Variants in TUBB4A observed in about 807,000 individuals in gnomAD.
TUBB4A encodes the protein tubulin beta-4A chain.
A neutral mutation model predicts 35.1 loss-of-function variants in TUBB4A; 13 were observed. The observed-to-expected ratio is 0.37, with a 90% CI of 0.24 to 0.59. The LOEUF (loss-of-function observed/expected upper bound fraction) is 0.59. Ranked by LOEUF, TUBB4A falls within the 20% of genes least tolerant of loss-of-function variation. TUBB4A has a pLI of 0.71. For synonymous variants in TUBB4A, 279 were observed against 272.4 expected (o/e 1.02, Z -0.24); for missense variants, 299 against 647.2 (o/e 0.46, Z 5.84).
Position 6,494,658 on chromosome 19 carries a change from T to A in TUBB4A, c.*506A>T. 1 of 164,616 alleles carries A rather than the reference T, an allele frequency of 6.1e-6. No homozygotes were observed. 10.2% of individuals were successfully genotyped at this position (164,616 alleles called of 1,614,324 possible). A position where few individuals can be genotyped will look rare whatever the true frequency, so the allele number is the denominator to read the frequency against. Reference sequence around the variant, plus strand: ...GACTCATAGAGGGTGAAAGAGAAGTTGGAGTCAGAGGGGATTCAGAGATCA... The same window carrying A: ...GACTCATAGAGGGTGAAAGAGAAGTAGGAGTCAGAGGGGATTCAGAGATCA... On this transcript the variant is annotated 3_prime_UTR_variant, in exon 4 of 4. Coordinates refer to ENST00000264071, the MANE Select transcript of TUBB4A (RefSeq NM_006087.4).
chr19:6,502,583 A>G (rs777752174), upstream of TUBB4A: 25 of 227,994 alleles, frequency 1.1e-4, 1 homozygote, highest in Non-Finnish European at 1.9e-4. Flanking sequence ...ACCCGCAGAA[A>G]TTGGGCGGAG....
Position 6,502,192 on chromosome 19 carries a change from C to A in TUBB4A, c.21G>T (p.Leu7=), listed in dbSNP as rs767181536. The A allele has an allele frequency of 3.2e-6, 5 of 1,573,226 alleles. No homozygotes were observed. Among genetic ancestry groups the A allele is most frequent in the Non-Finnish European group, 4.3e-6 (5 of 1,167,728 alleles). The part of the protein sequence containing the change: MREIVH[L]QAGQCGNQIG... ...TCTGGTTGCCGCACTGGCCGGCCTG[C>A]AGGTGCACGATCTCCCGCATGGCGG... The change falls in exon 1 of 4, where the codon CTG becomes CTT. Residue 7 remains leucine, a synonymous_variant. Coordinates refer to ENST00000264071, the MANE Select transcript of TUBB4A (RefSeq NM_006087.4).
At chr19:6,500,150 A>G (rs755835781) in intron 3 of TUBB4A, among the ~76,000 whole-genome samples, 1 of 151,994 alleles carries the variant, frequency 6.6e-6, no homozygotes, top group African/African-American at 2.4e-5. Context: ...TTTTTTAGAG[A>G]TGGGGTCTCA....
At position 6,494,953 on chromosome 19, in the gene TUBB4A, C is replaced by G. The variant is rs188384819; in HGVS notation, c.*211G>C. ...CCTGGGAATGTCAAGGTTGGAAGAG[C>G]TCAAGGGGGTTAAAGATAAATTAGG... On this transcript the variant is annotated 3_prime_UTR_variant, in exon 4 of 4. Transcript: ENST00000264071. 7.9e-5 allele frequency: 50 copies of G among 636,104 alleles called. No homozygotes were observed. In the East Asian group the frequency reaches 1.3e-3, roughly 17 times the overall value. 39.4% of individuals were successfully genotyped at this position (636,104 alleles called of 1,614,324 possible).
intron 3 of TUBB4A, among the ~76,000 whole-genome samples, chr19:6,497,397 G>A (rs1415122787): frequency 6.6e-6 from 1 of 151,316 alleles, no homozygotes; most frequent in Non-Finnish European, 1.5e-5. Flanking sequence ...GAGTAGCTGG[G>A]ACTACAGGCT....
chr19:6,499,672 T>A lies in TUBB4A; in HGVS notation c.277+1615A>T, dbSNP rs78959822. ...CCTCCCTTCCATGCCCTTTGGCCAGTCCAAATCCTACTCACATTCTAGACT... is the reference window on the plus strand; with the variant it reads ...CCTCCCTTCCATGCCCTTTGGCCAGACCAAATCCTACTCACATTCTAGACT... On this transcript the variant is annotated intron_variant, in intron 3 of 3. Transcript: ENST00000264071. 9.5e-3 allele frequency among the ~76,000 whole-genome samples: 1,453 copies of A among 152,310 alleles called. 23 individuals carry two copies. The highest frequency in any genetic ancestry group is 0.033 in the African/African-American group (1,366 of 41,562).
At chr19:6,496,404 C>T (rs531517741) in intron 3 of TUBB4A, 183 bp from the exon 4 acceptor site, 37 of 584,880 alleles carry the variant, frequency 6.3e-5, no homozygotes, top group East Asian at 9.2e-5. Context: ...CCGAGGTGGG[C>T]GGATCACGAG....
Position 6,501,522 on chromosome 19 carries a change from C to T in TUBB4A, c.159G>A (p.Glu53=). ...QLERINVYYN[E]ATGGNYVPRA... is the part of the protein sequence containing the mutation. ...GTGCCTCCTTCGCCCTACCTGTGGC[C>T]TCGTTGTAGTACACGTTGATCCTCT... Residue 53 remains glutamate (E), a synonymous_variant, in exon 2 of 4, where the codon GAG becomes GAA. Coordinates refer to ENST00000264071, the MANE Select transcript of TUBB4A (RefSeq NM_006087.4). The surrounding 1 kb of genome is among the most constrained non-coding windows in gnomAD (Gnocchi z 4.2). The T allele has an allele frequency of 6.2e-7, 1 of 1,613,930 alleles. No homozygotes were observed. The highest frequency in any genetic ancestry group is 8.5e-7 in the Non-Finnish European group (1 of 1,179,834).
rs1332209028 is a variant in TUBB4A at position 6,497,042 on chromosome 19, T to A, written c.278-821A>T. On this transcript the variant is annotated intron_variant, in intron 3 of 3. Coordinates refer to ENST00000264071, the MANE Select transcript of TUBB4A (RefSeq NM_006087.4). ...AAAAAAAAATATATATATATATATATATATATATATATATATATATATAAA... is the reference window on the plus strand; with the variant it reads ...AAAAAAAAATATATATATATATATAAATATATATATATATATATATATAAA... Among the ~76,000 whole-genome samples the A allele has an allele frequency of 1.9e-3, 100 of 51,860 alleles. 1 individual carries two copies. The highest frequency in any genetic ancestry group is 2.8e-3 in the Non-Finnish European group (79 of 28,630). 34.0% of individuals were successfully genotyped at this position (51,860 alleles called of 152,430 possible). A position where few individuals can be genotyped will look rare whatever the true frequency, so the allele number is the denominator to read the frequency against.
rs1323470395 is a variant in TUBB4A at position 6,495,502 on chromosome 19, C to T, written c.997G>A (p.Val333Met). The change falls in exon 4 of 4, where the codon GTG (valine) becomes ATG (methionine). Residue 333 changes from valine (V) to methionine (M), a missense_variant. By Grantham distance (21) the Val-to-Met change is conservative. This residue lies in a region of TUBB4A where 125 missense variants were observed against 279.1 expected (regional missense o/e 0.45). Transcript: ENST00000264071. The surrounding 1 kb of genome is among the most constrained non-coding windows in gnomAD (Gnocchi z 8.7). ...MKEVDEQMLSVQSKNSSYFVE... is the reference protein window; with the variant it reads ...MKEVDEQMLSMQSKNSSYFVE... ...AAGTAGCTGCTGTTCTTGCTCTGCA[C>T]GCTCAGCATCTGCTCGTCCACCTCC... The T allele has an allele frequency of 6.2e-7, 1 of 1,614,228 alleles. No individual in the cohort carries two copies. Among genetic ancestry groups the T allele is most frequent in the South Asian group, 1.1e-5 (1 of 91,088 alleles).
intron 3 of TUBB4A, among the ~76,000 whole-genome samples, chr19:6,496,661 A>T (rs1051498891): frequency 1.4e-5 from 2 of 147,998 alleles, no homozygotes; most frequent in Non-Finnish European, 3.0e-5. Flanking sequence ...AATAATAAAT[A>T]ATAACAATTA....
intron 3 of TUBB4A, among the ~76,000 whole-genome samples, chr19:6,498,669 T>A: frequency 6.6e-6 from 1 of 152,194 alleles, no homozygotes; most frequent in East Asian, 1.9e-4. Context: ...CCTGACTTTT[T>A]CCTCACTTCC....
At chr19:6,498,252 T>C (rs78017376) in intron 3 of TUBB4A, among the ~76,000 whole-genome samples, 2,427 of 151,542 alleles carry the variant, frequency 0.016, 61 homozygotes, top group African/African-American at 0.056. Context: ...TATTGGCCGG[T>C]ATTACTGTGA....
chr19:6,497,876 G>A (rs1283187729), intron 3 of TUBB4A, among the ~76,000 whole-genome samples: 1 of 140,892 alleles, frequency 7.1e-6, no homozygotes, highest in African/African-American at 2.7e-5. Flanking sequence ...ACTCCAGCCT[G>A]GGCGACAGCA....
At position 6,495,911 on chromosome 19, in the gene TUBB4A, C is replaced by T. The variant is rs760545489; in HGVS notation, c.588G>A (p.Thr196=). The T allele has an allele frequency of 1.7e-5, 27 of 1,614,078 alleles. 1 individual carries two copies. The highest frequency in any genetic ancestry group is 1.5e-4 in the South Asian group (14 of 91,094). The stretch of plus-strand genomic sequence containing the variant: ...CGTTGTCGATGCAGTAGGTCTCATC[C>T]GTATTCTCCACCAGCTGGTGCACAG... The part of the protein sequence containing the change: ...TLSVHQLVEN[T]DETYCIDNEA... Residue 196 remains threonine (T), a synonymous_variant, in exon 4 of 4, where the codon ACG becomes ACA. Transcript: ENST00000264071. The surrounding 1 kb of genome is among the most constrained non-coding windows in gnomAD (Gnocchi z 8.7).
Position 6,495,695 on chromosome 19 carries a change from G to A in TUBB4A, c.804C>T (p.Pro268=), listed in dbSNP as rs777025899. The part of the protein sequence containing the change: ...VPFPRLHFFM[P]GFAPLTSRGS... ...CCCGGCTGGTCAGGGGTGCGAAGCC[G>A]GGCATGAAGAAGTGCAGGCGAGGAA... The change falls in exon 4 of 4, where the codon CCC becomes CCT. Residue 268 remains proline (P), a synonymous_variant. Coordinates refer to ENST00000264071, the MANE Select transcript of TUBB4A (RefSeq NM_006087.4). The surrounding 1 kb of genome is among the most constrained non-coding windows in gnomAD (Gnocchi z 8.7). 2.0e-5 allele frequency: 32 copies of A among 1,613,942 alleles called. No individual in the cohort carries two copies. Among genetic ancestry groups the A allele is most frequent in the South Asian group, 1.5e-4 (14 of 91,090 alleles).
intron 3 of TUBB4A, among the ~76,000 whole-genome samples, chr19:6,499,591 G>GGT (rs1219562618): frequency 6.6e-6 from 1 of 152,084 alleles, no homozygotes; most frequent in Non-Finnish European, 1.5e-5. Context: ...ATTGTCCCAG[G>GGT]GTGTGGACAC....
In TUBB4A at chr19:6,501,452, CG is replaced by C. The variant is rs1459811601; in HGVS notation, c.167-56del. The C allele has an allele frequency of 6.2e-7, 1 of 1,600,562 alleles. No homozygotes were observed. The highest frequency in any genetic ancestry group is 1.3e-5 in the African/African-American group (1 of 74,678). On this transcript the variant is annotated intron_variant, in intron 2 of 3. Transcript: ENST00000264071. The surrounding 1 kb of genome is among the most constrained non-coding windows in gnomAD (Gnocchi z 4.2). ...ATGCGTGCCAGGAACCACAGGCGCC[CG>C]GTAGCATCCTGTTCCCTCCCAGCTG...
At chr19:6,502,029 G>C in intron 1 of TUBB4A, 127 bp downstream of exon 1, 1 of 1,070,178 alleles carries the variant, frequency 9.3e-7, no homozygotes, top group South Asian at 1.7e-5. Flanking sequence ...AGGCCCCTGG[G>C]GCGCGCTGGC....
Sources: allele counts gnomAD v4.1 joint callset (sites outside exome capture counted in the v4.1 genomes callset), GRCh38; gene constraint gnomAD v4.1.1; regional missense constraint gnomAD v4.1.1; non-coding constraint Gnocchi (gnomAD v3.1); transcripts MANE v1.5; gene names NCBI Gene and HGNC (gene_info 2026-07-23, HGNC 2026-07-21).